Variants in LUZP1 observed in about 807,000 individuals in gnomAD.
The protein encoded by LUZP1 is leucine zipper protein 1.
LUZP1 carries 25 observed loss-of-function variants against 71.3 expected under a neutral mutation model. The ratio of observed to expected loss-of-function variants is 0.35; its 90% CI spans 0.26 to 0.49. The LOEUF (loss-of-function observed/expected upper bound fraction) is 0.49, where lower values mean the gene tolerates loss of function less well. Among genes scored for constraint, LUZP1 ranks in the 20% least tolerant of loss-of-function variants. LUZP1 has a pLI of 0.99. For synonymous variants in LUZP1, 481 were observed against 506.4 expected (o/e 0.95, Z 0.67); for missense variants, 1,142 against 1,300.8 (o/e 0.88, Z 1.88).
chr1:23,177,969 C>T (rs1328833418), upstream of LUZP1, among the ~76,000 whole-genome samples: 2 of 152,232 alleles, frequency 1.3e-5, no homozygotes, highest in Non-Finnish European at 2.9e-5. Flanking sequence ...GGATGGGACC[C>T]AGCGCAAACC....
exon 3 of LUZP1, chr1:23,109,116 T>C (rs11579385): frequency 1.3e-5 from 2 of 152,210 alleles, no homozygotes; most frequent in East Asian, 1.9e-4. Flanking sequence ...TCAAAGGCAG[T>C]TGTCTCTTGA....
At chr1:23,169,049 G>C (rs1408666279) in intron 1 of LUZP1, 193 bp from the exon 1 acceptor site, 2 of 152,210 alleles carry the variant, frequency 1.3e-5, no homozygotes, top group Non-Finnish European at 2.9e-5. Flanking sequence ...TGGAAGACAA[G>C]ACTTCTCGAT....
intron 2 of LUZP1, among the ~76,000 whole-genome samples, chr1:23,122,705 T>A (rs187314656): frequency 2.0e-4 from 30 of 152,150 alleles, no homozygotes; most frequent in African/African-American, 6.5e-4. Flanking sequence ...AAAACGGGAG[T>A]GTTCTTCAAG....
intron 2 of LUZP1, among the ~76,000 whole-genome samples, chr1:23,128,288 G>A (rs1644188444): frequency 6.6e-6 from 1 of 151,790 alleles, no homozygotes; most frequent in Admixed American, 6.6e-5. Flanking sequence ...ATGGGAATTT[G>A]GATATAAAGC....
chr1:23,161,965 G>C (rs1303703686), intron 2 of LUZP1, among the ~76,000 whole-genome samples: 1 of 142,880 alleles, frequency 7.0e-6, no homozygotes, highest in African/African-American at 2.7e-5. Context: ...GGTGGAGGTT[G>C]CAGTGAGCTG....
At chr1:23,168,127 A>C (rs2148218667) in intron 2 of LUZP1, among the ~76,000 whole-genome samples, 1 of 141,448 alleles carries the variant, frequency 7.1e-6, no homozygotes, top group African/African-American at 2.5e-5. Context: ...GGCGCGGCCG[A>C]CAGCTGCGGC....
intron 2 of LUZP1, among the ~76,000 whole-genome samples, chr1:23,110,635 TACACACAC>T (rs1553137224): frequency 4.8e-5 from 2 of 41,848 alleles, no homozygotes; most frequent in African/African-American, 1.3e-4. Context: ...CGCGCACACA[TACACACAC>T]ACACACACAC....
chr1:23,112,019 G>A (rs908156661), intron 2 of LUZP1, among the ~76,000 whole-genome samples: 3 of 152,092 alleles, frequency 2.0e-5, no homozygotes, highest in Admixed American at 1.3e-4. Flanking sequence ...AAGGCCCAGG[G>A]GCTTTTCTCT....
In LUZP1 at chr1:23,093,916, G is replaced by T. The variant is rs748500182; in HGVS notation, c.346C>A (p.Arg116=). 6.2e-7 allele frequency: 1 copy of T among 1,614,004 alleles called. No homozygotes were observed. Among genetic ancestry groups the T allele is most frequent in the Non-Finnish European group, 8.5e-7 (1 of 1,180,028 alleles). ...TCTAGCTTCTCTAATTCAGCCATTC[G>T]TTTCTGAAGCCGCTCAATCTCAGAT... The change falls in exon 4 of 5, where the codon CGA becomes AGA. Residue 116 remains arginine (R), a synonymous_variant. Transcript: ENST00000302291. This position sits in a 1 kb window ranked among gnomAD's most constrained non-coding sequence, Gnocchi z 4.2.
intron 2 of LUZP1, among the ~76,000 whole-genome samples, chr1:23,165,452 C>A (rs1018252506): frequency 6.6e-6 from 1 of 151,378 alleles, no homozygotes; most frequent in African/African-American, 2.4e-5. Context: ...TGGGAGGATC[C>A]CCTGAACCCA....
At chr1:23,126,618 T>C (rs1246101722) in intron 2 of LUZP1, among the ~76,000 whole-genome samples, 4 of 152,238 alleles carry the variant, frequency 2.6e-5, no homozygotes, top group Non-Finnish European at 5.9e-5. Flanking sequence ...ACCTGGCATA[T>C]GACAGATGCT....
chr1:23,107,396 A>G (rs1643991260), intron 3 of LUZP1, among the ~76,000 whole-genome samples: 1 of 152,166 alleles, frequency 6.6e-6, no homozygotes. Context: ...GACTTTTTCT[A>G]TTTTGTTTAA....
chr1:23,092,630 G>A (rs148703766), exon 4 of LUZP1: 175 of 1,614,172 alleles, frequency 1.1e-4, no homozygotes, highest in Non-Finnish European at 1.4e-4. Context: ...TGCCAAGCAC[G>A]TGTCCCCTCT....
chr1:23,136,657 C>T (rs528357717), intron 2 of LUZP1, among the ~76,000 whole-genome samples: 2 of 152,260 alleles, frequency 1.3e-5, no homozygotes, highest in East Asian at 3.9e-4. Context: ...GCCTGTAATC[C>T]CAGCACTTTG....
At chr1:23,098,540 A>G (rs1643906481) in intron 3 of LUZP1, among the ~76,000 whole-genome samples, 1 of 152,208 alleles carries the variant, frequency 6.6e-6, no homozygotes, top group South Asian at 2.1e-4. Flanking sequence ...GGTCACCAGC[A>G]TGTAAGCGCC....
chr1:23,120,444 C>G (rs1644121565), intron 2 of LUZP1, among the ~76,000 whole-genome samples: 1 of 152,104 alleles, frequency 6.6e-6, no homozygotes, highest in Non-Finnish European at 1.5e-5. Flanking sequence ...TTAATGCAGC[C>G]TTAAGCTCCT....
At chr1:23,095,808 ATC>A (rs1557633940) in intron 3 of LUZP1, among the ~76,000 whole-genome samples, 1 of 152,166 alleles carries the variant, frequency 6.6e-6, no homozygotes, top group East Asian at 1.9e-4. Context: ...AATTTATACC[ATC>A]TGAGTGGTCT....
chr1:23,162,787 A>C (rs1644479087), intron 2 of LUZP1: 1 of 152,226 alleles, frequency 6.6e-6, no homozygotes, highest in African/African-American at 2.4e-5. Context: ...TGACATGCTA[A>C]TTCATAAAGC....
At chr1:23,142,692 TATATATATACAC>T (rs752997324) in intron 2 of LUZP1, among the ~76,000 whole-genome samples, 43 of 80,102 alleles carry the variant, frequency 5.4e-4, no homozygotes, top group African/African-American at 1.6e-3. Flanking sequence ...ATAAAATATA[TATATATATACAC>T]ACACACACAC....
Sources: gnomAD v4.1 joint callset for allele counts (sites outside exome capture counted in the v4.1 genomes callset) on GRCh38, gnomAD v4.1.1 for gene constraint, Gnocchi (gnomAD v3.1) non-coding constraint, MANE v1.5 for transcripts, NCBI Gene and HGNC (gene_info 2026-07-23, HGNC 2026-07-21) for gene names.